Variants in DAB1 observed in about 807,000 individuals in gnomAD.
The protein encoded by DAB1 is DAB adaptor protein 1, also known as disabled homolog 1.
In DAB1, 15 loss-of-function variants were observed where a neutral mutation model predicts 64.6. The ratio of observed to expected loss-of-function variants is 0.23; its 90% CI spans 0.16 to 0.36. DAB1 has a LOEUF of 0.36. DAB1 is among the 10% of genes least tolerant of loss of function. DAB1 has a pLI of 1.00. For missense variants in DAB1, 596 were observed against 706.7 expected, an observed-to-expected ratio of 0.84 and a Z score of 1.78; for synonymous variants, 235 against 251.9, an observed-to-expected ratio of 0.93 and a Z score of 0.64.
chr1:58,053,237 T>G (rs2094062), intron 5 of DAB1, among the ~76,000 whole-genome samples: 35,227 of 152,128 alleles, frequency 0.23, 4,198 homozygotes, highest in African/African-American at 0.24. Context: ...TTTGTGTAGC[T>G]ATGAAGGAAT....
intron 1 of DAB1, among the ~76,000 whole-genome samples, chr1:58,530,082 C>G (rs1422889315): frequency 6.6e-6 from 1 of 152,100 alleles, no homozygotes; most frequent in Admixed American, 6.6e-5. Context: ...AGGGTTTCAC[C>G]ACGTTAGCCA....
rs71043292 is a variant in DAB1, at chr1:58,541,293, C to CAAAAA, written n.32+5405_32+5409dup. The stretch of plus-strand genomic sequence containing the variant: ...TGGGCAACAGAGTGAGACTCTGTCT[C>CAAAAA]AAAAAAAAAAAAAAAAAAAAAAAAA... On this transcript the variant is annotated intron_variant and non_coding_transcript_variant, in intron 1 of 20. Coordinates refer to the DAB1 transcript ENST00000485760. Among the ~76,000 whole-genome samples the CAAAAA allele has an allele frequency of 4.4e-4, 12 of 27,570 alleles. 1 individual carries two copies. Among genetic ancestry groups the CAAAAA allele is most frequent in the Non-Finnish European group, 5.4e-4 (8 of 14,712 alleles). 18.1% of individuals were successfully genotyped at this position (27,570 alleles called of 152,430 possible).
intron 1 of DAB1, among the ~76,000 whole-genome samples, chr1:57,857,716 T>G (rs1569858204): frequency 6.6e-6 from 1 of 152,194 alleles, no homozygotes; most frequent in East Asian, 1.9e-4. Context: ...TAGCTGTGCA[T>G]CAGGTACTAT....
chr1:57,865,788 G>A (rs1363992120), intron 1 of DAB1, among the ~76,000 whole-genome samples: 1 of 152,202 alleles, frequency 6.6e-6, no homozygotes, highest in Non-Finnish European at 1.5e-5. Flanking sequence ...CCTACTGGCT[G>A]TATCAACTTG....
At chr1:57,396,135 C>T (rs1682786920) in intron 1 of DAB1, among the ~76,000 whole-genome samples, 1 of 152,192 alleles carries the variant, frequency 6.6e-6, no homozygotes, top group African/African-American at 2.4e-5. Flanking sequence ...CAGAAAATGC[C>T]AGCGCACTTC....
At chr1:57,107,034 A>G (rs1387223598) in intron 4 of DAB1, among the ~76,000 whole-genome samples, 1 of 152,100 alleles carries the variant, frequency 6.6e-6, no homozygotes, top group Non-Finnish European at 1.5e-5. Context: ...TTGATAGATA[A>G]GGTGATGAAG....
chr1:57,073,430 T>C (rs1651691945), intron 4 of DAB1, among the ~76,000 whole-genome samples: 1 of 152,224 alleles, frequency 6.6e-6, no homozygotes, highest in Non-Finnish European at 1.5e-5. Context: ...TTATCTGAGC[T>C]TCAACAAATA....
At position 57,846,153 on chromosome 1, in the gene DAB1, G is replaced by A. The variant is rs979222701; in HGVS notation, n.88-19698C>T. Among the ~76,000 whole-genome samples, 7 of 152,008 alleles carry A rather than the reference G, an allele frequency of 4.6e-5. No individual in the cohort carries two copies. The South Asian group carries it at 1.2e-3, about 27-fold the overall frequency. ...CTAAAGCAAATCATTTCAGAACTTG[G>A]TTTTTTTAATTAAAAATTCAATGTG... On this transcript the variant is annotated intron_variant and non_coding_transcript_variant, in intron 1 of 1. Coordinates refer to the DAB1 transcript ENST00000477280.
At chr1:58,532,238 T>G (rs1646444952) in intron 1 of DAB1, among the ~76,000 whole-genome samples, 1 of 152,184 alleles carries the variant, frequency 6.6e-6, no homozygotes, top group African/African-American at 2.4e-5. Context: ...GTTTAAGATC[T>G]CTGCAAAAAC....
intron 5 of DAB1, among the ~76,000 whole-genome samples, chr1:58,090,441 ATC>A (rs1163744684): frequency 6.6e-6 from 1 of 152,126 alleles, no homozygotes; most frequent in Non-Finnish European, 1.5e-5. Flanking sequence ...AACTTTTTGC[ATC>A]TTATTTTTCT....
chr1:58,035,215 C>G (rs915865407), intron 5 of DAB1, among the ~76,000 whole-genome samples: 2 of 152,208 alleles, frequency 1.3e-5, no homozygotes, highest in South Asian at 4.1e-4. Flanking sequence ...AGCTGCAGCA[C>G]CAGCCAAGTG....
At chr1:58,480,388 C>G (rs182214519) in intron 3 of DAB1, among the ~76,000 whole-genome samples, 3 of 152,298 alleles carry the variant, frequency 2.0e-5, no homozygotes, top group Admixed American at 2.0e-4. Context: ...AATTCTGTTT[C>G]TTGCTTTGTC....
At chr1:57,507,515 G>C (rs894739746) in intron 7 of DAB1, among the ~76,000 whole-genome samples, 5 of 152,120 alleles carry the variant, frequency 3.3e-5, no homozygotes, top group Non-Finnish European at 5.9e-5. Flanking sequence ...TACATGTTTG[G>C]TGAATTGGCT....
At chr1:57,980,109 A>G (rs1042747735) in intron 5 of DAB1, among the ~76,000 whole-genome samples, 2 of 152,126 alleles carry the variant, frequency 1.3e-5, no homozygotes, top group African/African-American at 4.8e-5. Context: ...GAATCCCTTC[A>G]TCCATAAATC....
intron 2 of DAB1, among the ~76,000 whole-genome samples, chr1:57,180,553 C>T (rs961974707): frequency 3.3e-5 from 5 of 152,026 alleles, no homozygotes; most frequent in African/African-American, 1.2e-4. Flanking sequence ...TTTTAAGGGG[C>T]CTCTGAAATC....
intron 7 of DAB1, among the ~76,000 whole-genome samples, chr1:57,521,800 G>C (rs1263585667): frequency 1.3e-5 from 2 of 152,114 alleles, no homozygotes; most frequent in Non-Finnish European, 2.9e-5. Context: ...GCCTACAGAG[G>C]GGGTATCAAA....
chr1:57,993,506 G>A (rs1244671313), intron 5 of DAB1, among the ~76,000 whole-genome samples: 3 of 152,030 alleles, frequency 2.0e-5, no homozygotes, highest in Non-Finnish European at 2.9e-5. Context: ...TATTTTTGTC[G>A]AAAGCTCCCC....
chr1:57,134,238 C>A (rs2100789615), intron 4 of DAB1, among the ~76,000 whole-genome samples: 1 of 152,236 alleles, frequency 6.6e-6, no homozygotes, highest in East Asian at 1.9e-4. Flanking sequence ...TGGTTCCATT[C>A]CTTGAGGTCA....
At chr1:57,056,933 T>C (rs753828356) in intron 9 of DAB1, among the ~76,000 whole-genome samples, 12 of 152,098 alleles carry the variant, frequency 7.9e-5, no homozygotes, top group Non-Finnish European at 1.3e-4. Flanking sequence ...CAAGGAAAGC[T>C]GAAGACAGAA....
Sources: gnomAD v4.1 joint callset for allele counts (sites outside exome capture counted in the v4.1 genomes callset) on GRCh38, gnomAD v4.1.1 for gene constraint, MANE v1.5 for transcripts, NCBI Gene and HGNC (gene_info 2026-07-23, HGNC 2026-07-21) for gene names.